FER1L6: variants seen among roughly 807,000 people sequenced by gnomAD.
FER1L6 encodes the protein fer-1-like protein 6.
Under a neutral mutation model 219.2 loss-of-function variants are expected in FER1L6, and 177 were observed. The observed-to-expected ratio is 0.81, with a 90% CI of 0.71 to 0.91. FER1L6 has a LOEUF of 0.91. Ranked by LOEUF, FER1L6 falls within the 40% of genes least tolerant of loss-of-function variation. FER1L6 has a pLI of 0.00. For missense variants in FER1L6, 2,153 were observed against 2,259.9 expected (o/e 0.95, Z 0.96); for synonymous variants, 768 against 824.3 (o/e 0.93, Z 1.17).
At chr8:123,963,213 G>A (rs1450912131) in intron 2 of FER1L6, 65 bp from the exon 3 acceptor site, 4 of 1,601,276 alleles carry the variant, frequency 2.5e-6, no homozygotes, top group Non-Finnish European at 3.4e-6. Flanking sequence ...CTGGCATAAG[G>A]TAGAGGCTCG....
intron 1 of FER1L6, among the ~76,000 whole-genome samples, chr8:123,884,949 C>T (rs1456641532): frequency 6.6e-6 from 1 of 152,042 alleles, no homozygotes; most frequent in Non-Finnish European, 1.5e-5. Flanking sequence ...ATGACACCAG[C>T]CTGCATTAAG....
chr8:123,863,859 T>C (rs1816785375), intron 1 of FER1L6, among the ~76,000 whole-genome samples: 2 of 151,216 alleles, frequency 1.3e-5, no homozygotes, highest in South Asian at 4.1e-4. Context: ...CCTTTTATTT[T>C]GAGCCTATGT....
chr8:123,896,306 T>C (rs780243859), intron 1 of FER1L6, among the ~76,000 whole-genome samples: 5 of 152,178 alleles, frequency 3.3e-5, no homozygotes, highest in Admixed American at 6.5e-5. Flanking sequence ...CCTGTTGGAG[T>C]TCCTGTTGGA....
At chr8:123,966,942 C>T (rs919274176) in intron 5 of FER1L6, among the ~76,000 whole-genome samples, 10 of 151,870 alleles carry the variant, frequency 6.6e-5, no homozygotes, top group African/African-American at 1.9e-4. Context: ...ATTAGCCAGG[C>T]GTGGTGGCAG....
At chr8:124,017,518 G>T in intron 15 of FER1L6, 110 bp from the exon 16 acceptor site, 1 of 755,578 alleles carries the variant, frequency 1.3e-6, no homozygotes, top group Non-Finnish European at 2.2e-6. Flanking sequence ...TTGGTTTTAT[G>T]GCTTCAAAAG....
rs565414050 is a variant in FER1L6, at chr8:124,111,101, C to G, written c.5290-7743C>G. On this transcript the variant is annotated intron_variant, in intron 39 of 40. Transcript: ENST00000522917. The surrounding 1 kb of genome is among the most constrained non-coding windows in gnomAD (Gnocchi z 5.0). ...TTCCTGGGTGTTAAAGACAAAAGGC[C>G]TGTCAGCTTTCAAAACAATTTATAT... Among the ~76,000 whole-genome samples, 5 of 152,214 alleles carry G rather than the reference C, an allele frequency of 3.3e-5. No individual in the cohort carries two copies. The highest frequency in any genetic ancestry group is 1.2e-4 in the African/African-American group (5 of 41,512).
chr8:123,993,978 A>G (rs1816996895), intron 12 of FER1L6, among the ~76,000 whole-genome samples: 1 of 152,208 alleles, frequency 6.6e-6, no homozygotes, highest in South Asian at 2.1e-4. Flanking sequence ...AGGCAGACTT[A>G]GGACCTCCTG....
At chr8:124,058,948 T>C (rs1820432273) in intron 22 of FER1L6, 3 of 152,228 alleles carry the variant, frequency 2.0e-5, no homozygotes. Context: ...CTTAACCACA[T>C]CTGCTGTTGC....
In FER1L6 at chr8:123,966,195, G is replaced by T; in HGVS notation, c.289G>T (p.Gly97Cys). The T allele has an allele frequency of 6.2e-7, 1 of 1,614,076 alleles. No individual in the cohort carries two copies. The highest frequency in any genetic ancestry group is 1.1e-5 in the South Asian group (1 of 91,066). ...CATCACCGAGGCTCGCCAGCTGGTG[G>T]GTGAGAACATTGACCCAGTTGTGAC... is the stretch of plus-strand genomic sequence containing the variant. ...ITITEARQLV[G>C]ENIDPVVTIE... Residue 97 changes from glycine (G) to cysteine (C), a missense_variant, in exon 5 of 41, where the codon GGT (glycine) becomes TGT (cysteine). Gly to Cys is a radical substitution (Grantham distance 159, BLOSUM62 -3). Transcript: ENST00000522917.
intron 39 of FER1L6, among the ~76,000 whole-genome samples, chr8:124,109,635 A>G (rs1822931406): frequency 6.6e-6 from 1 of 152,172 alleles, no homozygotes; most frequent in Non-Finnish European, 1.5e-5. Context: ...TTCTAATTAA[A>G]TGCTCTTCAT....
At chr8:124,079,793 C>A (rs888486019) in intron 32 of FER1L6, among the ~76,000 whole-genome samples, 1 of 152,136 alleles carries the variant, frequency 6.6e-6, no homozygotes, top group Non-Finnish European at 1.5e-5. Context: ...AATCGGAGAG[C>A]TTGACCTGGT....
intron 1 of FER1L6, among the ~76,000 whole-genome samples, chr8:123,871,754 A>G (rs1045540384): frequency 6.6e-6 from 1 of 152,152 alleles, no homozygotes; most frequent in African/African-American, 2.4e-5. Context: ...ACAGTATGGT[A>G]AGGGGAGCGA....
Position 124,106,074 on chromosome 8 carries a change from A to G in FER1L6, c.5289+2765A>G, listed in dbSNP as rs978390156. Among the ~76,000 whole-genome samples, 8 of 152,308 alleles carry G rather than the reference A, an allele frequency of 5.3e-5. No individual in the cohort carries two copies. The East Asian group carries it at 1.5e-3, about 29-fold the overall frequency. On this transcript the variant is annotated intron_variant, in intron 39 of 40. Transcript: ENST00000522917. ...TAAAAAAGAAGTTCTGAAATCAAAT[A>G]GTGGCGATGCCAGTACAATTTTGTG...
intron 20 of FER1L6, 142 bp from the exon 21 acceptor site, chr8:124,045,625 A>G: frequency 1.1e-6 from 1 of 906,440 alleles, no homozygotes; most frequent in Non-Finnish European, 1.7e-6. Flanking sequence ...CTCAGTTTAC[A>G]TAGTCACTTG....
rs118062563 is a variant in FER1L6, at chr8:124,069,692, C to A, written c.3834+217C>A. On this transcript the variant is annotated intron_variant, in intron 29 of 40. Transcript: ENST00000522917. Reference sequence around the variant, plus strand: ...ACCCTCATATTGAGAAGGGGTGTAACTTAAATTGTTTAATGTGGACCTTAC... The same window carrying A: ...ACCCTCATATTGAGAAGGGGTGTAAATTAAATTGTTTAATGTGGACCTTAC... Among the ~76,000 whole-genome samples, 1,374 of 152,280 alleles carry A rather than the reference C, an allele frequency of 9.0e-3. 8 individuals are homozygous for A. The highest frequency in any genetic ancestry group is 0.048 in the Middle Eastern group (14 of 294).
At chr8:123,858,170 T>G (rs1293465190) in intron 1 of FER1L6, among the ~76,000 whole-genome samples, 4 of 152,184 alleles carry the variant, frequency 2.6e-5, no homozygotes, top group Non-Finnish European at 4.4e-5. Context: ...AATGACACTT[T>G]AAGAACAATT....
chr8:123,946,886 T>C (rs937368753), intron 1 of FER1L6, among the ~76,000 whole-genome samples: 1 of 152,172 alleles, frequency 6.6e-6, no homozygotes, highest in Non-Finnish European at 1.5e-5. Flanking sequence ...TCATCTCTTC[T>C]TGATCAAAAT....
chr8:123,887,651 C>A (rs1186337765), intron 1 of FER1L6, among the ~76,000 whole-genome samples: 1 of 152,082 alleles, frequency 6.6e-6, no homozygotes, highest in Non-Finnish European at 1.5e-5. Context: ...AGGGAAGCAC[C>A]CTGACTGTTT....
intron 30 of FER1L6, 97 bp downstream of exon 30, chr8:124,070,695 G>T: frequency 1.8e-6 from 2 of 1,103,950 alleles, no homozygotes; most frequent in Admixed American, 2.7e-5. Context: ...TGGGATGTGT[G>T]TAGGGAAAAT....
Sources: gnomAD v4.1 joint callset for allele counts (sites outside exome capture counted in the v4.1 genomes callset) on GRCh38, gnomAD v4.1.1 for gene constraint, Gnocchi (gnomAD v3.1) non-coding constraint, MANE v1.5 for transcripts, NCBI Gene and HGNC (gene_info 2026-07-23, HGNC 2026-07-21) for gene names.